Variants in POLQ observed in about 807,000 individuals in gnomAD.
POLQ encodes DNA polymerase theta.
Under a neutral mutation model 259.2 loss-of-function variants are expected in POLQ, and 233 were observed. The ratio of observed to expected loss-of-function variants is 0.90; its 90% CI spans 0.81 to 1.00. The LOEUF (loss-of-function observed/expected upper bound fraction) is 1.00. Among genes scored for constraint, POLQ ranks in the 50% least tolerant of loss-of-function variants. POLQ has a pLI of 0.00. For missense variants in POLQ, 2,871 were observed against 3,051.6 expected (o/e 0.94, Z 1.39); for synonymous variants, 1,025 against 1,048.8 (o/e 0.98, Z 0.44).
At chr3:121,439,413 T>C (rs924973218) in intron 27 of POLQ, among the ~76,000 whole-genome samples, 5 of 152,108 alleles carry the variant, frequency 3.3e-5, no homozygotes, top group African/African-American at 1.2e-4. Flanking sequence ...TTTATTTTTA[T>C]AGATATAGGT....
chr3:121,516,990 A>T (rs937196227), intron 9 of POLQ, among the ~76,000 whole-genome samples: 1 of 152,244 alleles, frequency 6.6e-6, no homozygotes, highest in Non-Finnish European at 1.5e-5. Flanking sequence ...CTTGATAATT[A>T]GCCCAGGGCA....
chr3:121,491,346 C>CAAAAAAAAAAAAAAAAAAAAA (rs3045625), intron 15 of POLQ, among the ~76,000 whole-genome samples: 11 of 77,988 alleles, frequency 1.4e-4, no homozygotes, highest in Admixed American at 1.9e-4. Flanking sequence ...GAGACTGTCA[C>CAAAAAAAAAAAAAAAAAAAAA]AAAAAAAAAA....
chr3:121,434,538 T>C (rs1454069070), intron 28 of POLQ, among the ~76,000 whole-genome samples: 1 of 152,218 alleles, frequency 6.6e-6, no homozygotes, highest in African/African-American at 2.4e-5. Context: ...CAATTAAATA[T>C]AAATGTGTAT....
At chr3:121,508,442 T>C (rs1223709549) in intron 12 of POLQ, among the ~76,000 whole-genome samples, 1 of 152,168 alleles carries the variant, frequency 6.6e-6, no homozygotes, top group African/African-American at 2.4e-5. Context: ...AATGAGGAAA[T>C]GGAATCGTAA....
chr3:121,534,602 T>C (rs2048437802), intron 5 of POLQ, among the ~76,000 whole-genome samples: 1 of 152,254 alleles, frequency 6.6e-6, no homozygotes, highest in African/African-American at 2.4e-5. Flanking sequence ...ATTACAGGCA[T>C]GAGCCACCAT....
Position 121,532,855 on chromosome 3 carries a change from A to G in POLQ, c.960+135T>C. 3 of 625,380 alleles carry G rather than the reference A, an allele frequency of 4.8e-6. No homozygotes were observed. In the South Asian group the frequency reaches 7.5e-5, roughly 16 times the overall value. 38.7% of individuals were successfully genotyped at this position (625,380 alleles called of 1,614,324 possible). Reference sequence around the variant, plus strand: ...GCTCACCACCAATTCTTTAAGAGGAAACCAGTTAGCTTAATATTAATCCTA... The same window carrying G: ...GCTCACCACCAATTCTTTAAGAGGAGACCAGTTAGCTTAATATTAATCCTA... On this transcript the variant is annotated intron_variant, in intron 6 of 29. Transcript: ENST00000264233.
intron 2 of POLQ, among the ~76,000 whole-genome samples, chr3:121,543,507 C>T (rs2048505050): frequency 6.6e-6 from 1 of 152,228 alleles, no homozygotes; most frequent in African/African-American, 2.4e-5. Context: ...TCTAATTCCA[C>T]TGCCTGAACT....
chr3:121,472,802 T>C (rs2047896014), intron 21 of POLQ, among the ~76,000 whole-genome samples: 2 of 152,262 alleles, frequency 1.3e-5, no homozygotes, highest in Admixed American at 6.5e-5. Flanking sequence ...CTATATTTTC[T>C]ACCCTATTTT....
Position 121,537,176 on chromosome 3 carries a change from C to T in POLQ, c.664G>A (p.Gly222Arg). The T allele has an allele frequency of 6.2e-7, 1 of 1,602,868 alleles. No individual in the cohort carries two copies. Among genetic ancestry groups the T allele is most frequent in the African/African-American group, 1.3e-5 (1 of 74,708 alleles). Residue 222 changes from glycine to arginine, a missense_variant, in exon 5 of 30, where the codon GGA becomes AGA. Physicochemically the swap from Gly to Arg is moderately radical, Grantham distance 125 (BLOSUM62 -2). Around this residue, in one of 3 missense-constraint regions of POLQ, gnomAD observed 783 missense variants for 906.2 expected, o/e 0.86. Coordinates refer to ENST00000264233, the MANE Select transcript of POLQ (RefSeq NM_199420.4). ...AGCAGATACCCTCGGTGAGAGTCTCCCAGCATATGTAATTCATCCACAACC... is the reference window on the plus strand; with the variant it reads ...AGCAGATACCCTCGGTGAGAGTCTCTCAGCATATGTAATTCATCCACAACC... ...MVVVDELHML[G>R]DSHRGYLLEL...
chr3:121,541,532 AT>A, intron 2 of POLQ, 53 bp from the exon 3 acceptor site: 1 of 1,483,514 alleles, frequency 6.7e-7, no homozygotes, highest in Non-Finnish European at 9.2e-7. Flanking sequence ...ATTCGGTACA[AT>A]TCATTAATAA....
chr3:121,501,990 CAA>C (rs554794926), intron 12 of POLQ, among the ~76,000 whole-genome samples: 30 of 60,314 alleles, frequency 5.0e-4, no homozygotes, highest in East Asian at 9.8e-4. Flanking sequence ...ACTCTGTCTC[CAA>C]AAAAAAAAAA....
chr3:121,508,561 A>G (rs2048228252), intron 12 of POLQ, among the ~76,000 whole-genome samples: 1 of 152,198 alleles, frequency 6.6e-6, no homozygotes, highest in Non-Finnish European at 1.5e-5. Flanking sequence ...CTGTATAATA[A>G]ATGACTTATT....
In POLQ at chr3:121,490,356, T is replaced by A; in HGVS notation, c.2575A>T (p.Met859Leu). Reference sequence around the variant, plus strand: ...CTGCCAGTCACCCAGATAGTTCGCATATTGCGACGTTCTTCAACTGCTTCC... The same window carrying A: ...CTGCCAGTCACCCAGATAGTTCGCAAATTGCGACGTTCTTCAACTGCTTCC... ...EEEAVEERRNMRTIWVTGRKG... is the reference protein window; with the variant it reads ...EEEAVEERRNLRTIWVTGRKG... Residue 859 changes from methionine (M) to leucine (L), a missense_variant, in exon 16 of 30, where the codon ATG becomes TTG. Met to Leu is a conservative substitution (Grantham distance 15, BLOSUM62 2). Coordinates refer to ENST00000264233, the MANE Select transcript of POLQ (RefSeq NM_199420.4). 2 of 1,614,268 alleles carry A rather than the reference T, an allele frequency of 1.2e-6. No individual in the cohort carries two copies. The highest frequency in any genetic ancestry group is 1.7e-6 in the Non-Finnish European group (2 of 1,180,042).
intron 1 of POLQ, among the ~76,000 whole-genome samples, chr3:121,545,174 G>A (rs2048521914): frequency 6.6e-6 from 1 of 152,184 alleles, no homozygotes; most frequent in African/African-American, 2.4e-5. Flanking sequence ...AATTACGGGT[G>A]TAGTTGGGGG....
chr3:121,508,597 G>A (rs938197004), intron 12 of POLQ, among the ~76,000 whole-genome samples: 1 of 152,190 alleles, frequency 6.6e-6, no homozygotes, highest in Non-Finnish European at 1.5e-5. Context: ...GATGACCGGT[G>A]AAACCTGCTT....
chr3:121,453,054 C>T (rs961619748), intron 25 of POLQ, among the ~76,000 whole-genome samples: 2 of 152,208 alleles, frequency 1.3e-5, no homozygotes, highest in Admixed American at 6.5e-5. Flanking sequence ...TCCAGAGGAA[C>T]GATCAGACAG....
At chr3:121,494,039 C>G (rs982103997) in intron 14 of POLQ, 6 of 618,228 alleles carry the variant, frequency 9.7e-6, no homozygotes, top group Non-Finnish European at 1.7e-5. Context: ...TCATTCCTCT[C>G]TCTCTCTCTT....
intron 9 of POLQ, among the ~76,000 whole-genome samples, chr3:121,519,600 C>T (rs1408695552): frequency 1.4e-5 from 2 of 146,994 alleles, no homozygotes; most frequent in Non-Finnish European, 3.0e-5. Context: ...GGCATGAACC[C>T]GGAAGGCAGA....
chr3:121,531,678 T>C (rs1366824549), intron 6 of POLQ, among the ~76,000 whole-genome samples: 1 of 152,068 alleles, frequency 6.6e-6, no homozygotes, highest in Admixed American at 6.5e-5. Flanking sequence ...AGAGAACAAT[T>C]AGGAAATATT....
Sources: allele counts gnomAD v4.1 joint callset (sites outside exome capture counted in the v4.1 genomes callset), GRCh38; gene constraint gnomAD v4.1.1; regional missense constraint gnomAD v4.1.1; transcripts MANE v1.5; gene names NCBI Gene and HGNC (gene_info 2026-07-23, HGNC 2026-07-21).